Variants in ZBTB7C observed in about 807,000 individuals in gnomAD.
The protein encoded by ZBTB7C is zinc finger and BTB domain-containing protein 7C.
Under a neutral mutation model 25.7 loss-of-function variants are expected in ZBTB7C, and 8 were observed. That is an observed-to-expected ratio of 0.31 (90% CI 0.18 to 0.56). The LOEUF (loss-of-function observed/expected upper bound fraction) is 0.56. ZBTB7C is among the 20% of genes least tolerant of loss of function. The probability of loss-of-function intolerance (pLI) is 0.91; values close to 1 mark genes in which losing one functional copy is unlikely to be tolerated. For synonymous variants in ZBTB7C, 394 were observed against 369.0 expected (o/e 1.07, Z -0.78); for missense variants, 824 against 855.2 (o/e 0.96, Z 0.46).
chr18:48,149,176 A>ATGTGTGTGTGCGCACG (rs1568257738), intron 3 of ZBTB7C: 1 of 150,118 alleles, frequency 6.7e-6, no homozygotes, highest in Non-Finnish European at 1.5e-5. Flanking sequence ...GAGTGTGTGC[A>ATGTGTGTGTGCGCACG]TGTGTGTGTG....
intron 2 of ZBTB7C, among the ~76,000 whole-genome samples, chr18:48,258,567 T>C (rs1391217509): frequency 1.3e-5 from 2 of 152,200 alleles, no homozygotes; most frequent in East Asian, 1.9e-4. Flanking sequence ...AAGATCTAAA[T>C]ACACCATGTT....
chr18:48,055,963 C>T (rs76197127), intron 3 of ZBTB7C, among the ~76,000 whole-genome samples: 2,757 of 152,258 alleles, frequency 0.018, 78 homozygotes, highest in African/African-American at 0.061. Context: ...CCTAGAAGGT[C>T]GGCTTCCCAT....
chr18:48,318,668 C>T (rs929901012), intron 2 of ZBTB7C, among the ~76,000 whole-genome samples: 2 of 152,232 alleles, frequency 1.3e-5, no homozygotes, highest in Admixed American at 6.5e-5. Context: ...CCCCCTGGGG[C>T]AGGGGCGATT....
chr18:48,063,252 C>T (rs568335493), intron 3 of ZBTB7C, among the ~76,000 whole-genome samples: 31 of 152,330 alleles, frequency 2.0e-4, no homozygotes, highest in African/African-American at 7.0e-4. Flanking sequence ...ATCTCCGCTG[C>T]CCTTAAGGAT....
chr18:48,191,115 G>A (rs922337751), intron 2 of ZBTB7C, among the ~76,000 whole-genome samples: 1 of 152,146 alleles, frequency 6.6e-6, no homozygotes, highest in Admixed American at 6.5e-5. Context: ...CCCTGCCCAG[G>A]GCCTGCACAC....
intron 2 of ZBTB7C, among the ~76,000 whole-genome samples, chr18:48,283,279 G>T (rs79883955): frequency 5.3e-5 from 8 of 152,146 alleles, no homozygotes; most frequent in Non-Finnish European, 7.4e-5. Flanking sequence ...TTGAGCAAAT[G>T]TACTCCTATT....
intron 2 of ZBTB7C, among the ~76,000 whole-genome samples, chr18:48,209,244 G>C (rs1429200924): frequency 6.6e-6 from 1 of 152,202 alleles, no homozygotes; most frequent in Non-Finnish European, 1.5e-5. Context: ...GCAGGTCAAA[G>C]GAGTCCAAAG....
chr18:48,275,330 G>T (rs1464826187), intron 2 of ZBTB7C, among the ~76,000 whole-genome samples: 2 of 152,214 alleles, frequency 1.3e-5, no homozygotes, highest in African/African-American at 4.8e-5. Context: ...CAGCGCTGCT[G>T]CGTTCCTATG....
intron 1 of ZBTB7C, among the ~76,000 whole-genome samples, chr18:48,350,824 A>G (rs1020783230): frequency 7.9e-5 from 12 of 152,156 alleles, no homozygotes; most frequent in African/African-American, 2.7e-4. Context: ...TGTTTTTATC[A>G]TAACACCCTT....
At chr18:48,179,597 A>C (rs942506543) in intron 3 of ZBTB7C, among the ~76,000 whole-genome samples, 1 of 152,190 alleles carries the variant, frequency 6.6e-6, no homozygotes, top group African/African-American at 2.4e-5. Flanking sequence ...CGGGAGGGAC[A>C]GGAAAGGAGC....
chr18:48,228,745 T>TCACA (rs1375739209), intron 2 of ZBTB7C, among the ~76,000 whole-genome samples: 1,596 of 136,690 alleles, frequency 0.012, 44 homozygotes, highest in African/African-American at 0.044. Flanking sequence ...TCTCTCTCTC[T>TCACA]CTCACACACA....
intron 3 of ZBTB7C, among the ~76,000 whole-genome samples, chr18:48,141,152 C>CCG (rs1555699054): frequency 6.9e-6 from 1 of 145,612 alleles, no homozygotes; most frequent in Non-Finnish European, 1.5e-5. Context: ...CACCACCCCC[C>CCG]CCACTGTTCC....
intron 2 of ZBTB7C, chr18:48,203,690 C>G (rs2042510632): frequency 6.6e-6 from 1 of 152,096 alleles, no homozygotes; most frequent in African/African-American, 2.4e-5. Context: ...GTTGGGTGTT[C>G]CTGTGGTTAC....
intron 2 of ZBTB7C, chr18:48,203,522 C>T (rs2042506323): frequency 6.6e-6 from 1 of 152,236 alleles, no homozygotes; most frequent in African/African-American, 2.4e-5. Context: ...GCTTCTGATC[C>T]TAGACCCATA....
chr18:48,235,200 C>A (rs1477611309), intron 2 of ZBTB7C, among the ~76,000 whole-genome samples: 3 of 151,970 alleles, frequency 2.0e-5, no homozygotes, highest in African/African-American at 7.3e-5. Flanking sequence ...TTTATTTTAC[C>A]ATTTTATATG....
At chr18:48,214,002 G>A (rs192751676) in intron 2 of ZBTB7C, among the ~76,000 whole-genome samples, 5 of 152,316 alleles carry the variant, frequency 3.3e-5, no homozygotes, top group South Asian at 4.1e-4. Context: ...CCTGCCTTGC[G>A]GTGAGAGCGG....
At chr18:48,372,085 G>T (rs1467607178) in intron 1 of ZBTB7C, among the ~76,000 whole-genome samples, 1 of 152,110 alleles carries the variant, frequency 6.6e-6, no homozygotes, top group Non-Finnish European at 1.5e-5. Flanking sequence ...CTCACCCCAG[G>T]GCTGCTCTCC....
intron 2 of ZBTB7C, among the ~76,000 whole-genome samples, chr18:48,320,534 G>A (rs891613446): frequency 1.3e-5 from 2 of 152,202 alleles, no homozygotes; most frequent in Non-Finnish European, 2.9e-5. Flanking sequence ...CAGCACCTGA[G>A]AGATGACAGT....
At chr18:48,362,324 G>C (rs1357564546) in intron 1 of ZBTB7C, among the ~76,000 whole-genome samples, 4 of 152,228 alleles carry the variant, frequency 2.6e-5, no homozygotes, top group Non-Finnish European at 5.9e-5. Context: ...TGTCTCCCCA[G>C]AATTCCTATG....
Sources: allele counts gnomAD v4.1 joint callset (sites outside exome capture counted in the v4.1 genomes callset), GRCh38; gene constraint gnomAD v4.1.1; transcripts MANE v1.5; gene names NCBI Gene and HGNC (gene_info 2026-07-23, HGNC 2026-07-21).